LGALS4: variants seen among roughly 807,000 people sequenced by gnomAD.
The protein encoded by LGALS4 is galectin 4.
A neutral mutation model predicts 39.6 loss-of-function variants in LGALS4; 37 were observed. That is an observed-to-expected ratio of 0.93 (90% CI 0.72 to 1.23). The LOEUF (loss-of-function observed/expected upper bound fraction) is 1.23. Among genes scored for constraint, LGALS4 ranks in the 50% most tolerant of loss-of-function variants. The probability of loss-of-function intolerance (pLI) is 0.00; values close to 1 mark genes in which losing one functional copy is unlikely to be tolerated. For missense variants in LGALS4, 397 were observed against 433.2 expected (o/e 0.92, Z 0.74); for synonymous variants, 160 against 165.5 (o/e 0.97, Z 0.25).
chr19:38,811,923 G>A (rs1031355752), intron 2 of LGALS4, among the ~76,000 whole-genome samples: 1 of 151,666 alleles, frequency 6.6e-6, no homozygotes. Flanking sequence ...TGAGGCAGGA[G>A]AATCGCTTGA....
Position 38,803,787 on chromosome 19 carries a change from G to A in LGALS4, c.502-7C>T, listed in dbSNP as rs376574428. 26 of 1,613,594 alleles carry A rather than the reference G, an allele frequency of 1.6e-5. No homozygotes were observed. The highest frequency in any genetic ancestry group is 1.6e-4 in the Middle Eastern group (1 of 6,084). On this transcript the variant is annotated splice_region_variant and splice_polypyrimidine_tract_variant and intron_variant, in intron 5 of 9. Coordinates refer to ENST00000307751, the MANE Select transcript of LGALS4 (RefSeq NM_006149.4). ...GATGGCAATGTCCGGGACCCTGAAC[G>A]ATGGACAGAAGGCAGGAAGGGTGAG...
chr19:38,806,488 G>T lies in LGALS4; in HGVS notation c.447C>A (p.Phe149Leu). The change falls in exon 4 of 10, where the codon TTC becomes TTA. Residue 149 changes from phenylalanine to leucine, a missense_variant. Transcript: ENST00000307751. ...GGGGCCGGAGGGGCTGGCCTCCGAT[G>T]AAGTTGATTGATTGAAGTTGCAGAT... Reference protein sequence around the residue: ...DGDLQLQSINFIGGQPLRPQG... With the variant: ...DGDLQLQSINLIGGQPLRPQG... 1 of 1,614,218 alleles carries T rather than the reference G, an allele frequency of 6.2e-7. No individual in the cohort carries two copies. Among genetic ancestry groups the T allele is most frequent in the Middle Eastern group, 1.7e-4 (1 of 6,060 alleles).
Position 38,802,162 on chromosome 19 carries a change from G to A in LGALS4, c.660-5C>T, listed in dbSNP as rs368944055. 103 of 1,613,068 alleles carry A rather than the reference G, an allele frequency of 6.4e-5. No individual in the cohort carries two copies. In the African/African-American group the frequency reaches 1.3e-3, roughly 20 times the overall value. ...ACCTTGAAGTTGATAGCAAAGCTGG[G>A]GACAGAGAGGGATGGGGGAGTCAGA... On this transcript the variant is annotated splice_region_variant and splice_polypyrimidine_tract_variant and intron_variant, in intron 8 of 9. Transcript: ENST00000307751.
intron 4 of LGALS4, among the ~76,000 whole-genome samples, chr19:38,804,973 T>C (rs937050492): frequency 6.6e-6 from 1 of 151,696 alleles, no homozygotes; most frequent in Non-Finnish European, 1.5e-5. Flanking sequence ...CTGGACAACA[T>C]AGGAAAATTC....
chr19:38,812,818 G>T (rs757649387), intron 1 of LGALS4, 24 bp downstream of exon 1: 1 of 1,609,738 alleles, frequency 6.2e-7, no homozygotes, highest in East Asian at 2.2e-5. Context: ...TGCGGGCGGA[G>T]TGGGGCCTGA....
intron 1 of LGALS4, 74 bp downstream of exon 1, chr19:38,812,768 C>A: frequency 3.3e-6 from 5 of 1,521,464 alleles, no homozygotes; most frequent in Non-Finnish European, 3.6e-6. Context: ...CCCCCAGGAT[C>A]AGAGTGGGGA....
At chr19:38,811,244 C>G (rs868865564) in intron 2 of LGALS4, among the ~76,000 whole-genome samples, 2 of 152,022 alleles carry the variant, frequency 1.3e-5, no homozygotes. Context: ...ATCAGCTCCA[C>G]GAGGGCAGGG....
At chr19:38,802,816 T>A (rs1315716931) in intron 7 of LGALS4, among the ~76,000 whole-genome samples, 1 of 151,970 alleles carries the variant, frequency 6.6e-6, no homozygotes. Context: ...TAGCTGGGAT[T>A]ACAGGTGTGC....
chr19:38,802,620 G>A (rs901640137), intron 7 of LGALS4, among the ~76,000 whole-genome samples: 1 of 150,748 alleles, frequency 6.6e-6, no homozygotes, highest in Non-Finnish European at 1.5e-5. Flanking sequence ...TCAGCCTCCC[G>A]AAGTGCTGGG....
rs1184371833 is a variant in LGALS4 at position 38,801,716 on chromosome 19, C to A, written c.*48G>T. The A allele has an allele frequency of 1.2e-6, 2 of 1,601,560 alleles. No individual in the cohort carries two copies. Among genetic ancestry groups the A allele is most frequent in the Admixed American group, 1.7e-5 (1 of 59,290 alleles). ...TTTTATTAGGGGCTTAGAAAGGAGT[C>A]CTAGGGGATAATTCTGTTTTCCCAT... is the stretch of plus-strand genomic sequence containing the variant. On this transcript the variant is annotated 3_prime_UTR_variant, in exon 10 of 10. Transcript: ENST00000307751.
In LGALS4 at chr19:38,801,800, G is replaced by C; in HGVS notation, c.936C>G (p.Ile312Met). The change falls in exon 10 of 10, where the codon ATC becomes ATG. Residue 312 changes from isoleucine (I) to methionine (M), a missense_variant. Physicochemically the swap from Ile to Met is conservative, Grantham distance 10. Coordinates refer to ENST00000307751, the MANE Select transcript of LGALS4 (RefSeq NM_006149.4). ...CATAGGACAAGGTGACATCACCCTG[G>C]ATTTCCAATGTGTCCACCCTCTGGA... ...SAFQRVDTLE[I>M]QGDVTLSYVQ... 6.2e-7 allele frequency: 1 copy of C among 1,614,204 alleles called. No homozygotes were observed. The highest frequency in any genetic ancestry group is 8.5e-7 in the Non-Finnish European group (1 of 1,180,036).
intron 4 of LGALS4, 112 bp from the exon 5 acceptor site, chr19:38,804,007 G>T: frequency 2.4e-6 from 3 of 1,227,048 alleles, no homozygotes; most frequent in Non-Finnish European, 2.3e-6. Flanking sequence ...CTATGCCAGA[G>T]AACTCTGGCA....
In LGALS4 at chr19:38,806,447, G is replaced by A; in HGVS notation, c.474+14C>T. On this transcript the variant is annotated intron_variant, in intron 4 of 9. Transcript: ENST00000307751. ...AGAAAGAAAGGACGCAAGAAGGGAT[G>A]GGACCCCTCACACCTGGGGCCGGAG... The A allele has an allele frequency of 1.2e-6, 2 of 1,613,422 alleles. No individual in the cohort carries two copies. The highest frequency in any genetic ancestry group is 1.7e-6 in the Non-Finnish European group (2 of 1,179,460).
intron 2 of LGALS4, among the ~76,000 whole-genome samples, chr19:38,810,634 T>C (rs142933611): frequency 0.078 from 11,932 of 152,128 alleles, 618 homozygotes; most frequent in South Asian, 0.16. Flanking sequence ...AGTGCTGGGA[T>C]TACAGACGTG....
rs1348007472 is a variant in LGALS4, at chr19:38,803,554, G to A, written c.541-3C>T. 6.2e-7 allele frequency: 1 copy of A among 1,613,964 alleles called. No homozygotes were observed. The highest frequency in any genetic ancestry group is 8.5e-7 in the Non-Finnish European group (1 of 1,179,866). ...AAGGTTGGGGGTCCTTCCATGGTCTGTGAAGTGAGGAAGAAGCGATATTAT... is the reference window on the plus strand; with the variant it reads ...AAGGTTGGGGGTCCTTCCATGGTCTATGAAGTGAGGAAGAAGCGATATTAT... On this transcript the variant is annotated splice_region_variant and splice_polypyrimidine_tract_variant and intron_variant, in intron 6 of 9. Transcript: ENST00000307751.
intron 6 of LGALS4, 67 bp downstream of exon 6, chr19:38,803,675 G>A: frequency 1.9e-6 from 3 of 1,598,480 alleles, no homozygotes; most frequent in South Asian, 1.1e-5. Context: ...ACCCCTCTTA[G>A]CTCCCCCTAC....
At position 38,812,462 on chromosome 19, in the gene LGALS4, T is replaced by G; in HGVS notation, c.103A>C (p.Ile35Leu). The G allele has an allele frequency of 6.2e-7, 1 of 1,614,168 alleles. No individual in the cohort carries two copies. Among genetic ancestry groups the G allele is most frequent in the Non-Finnish European group, 8.5e-7 (1 of 1,180,014 alleles). Residue 35 changes from isoleucine (I) to leucine (L), a missense_variant, in exon 2 of 10, where the codon ATC becomes CTC. Coordinates refer to ENST00000307751, the MANE Select transcript of LGALS4 (RefSeq NM_006149.4). Reference sequence around the variant, plus strand: ...ATGTGCTCGCTGGCCACTCCTTGGATGTAAACAGACATTCCCACGTTGAGC... The same window carrying G: ...ATGTGCTCGCTGGCCACTCCTTGGAGGTAAACAGACATTCCCACGTTGAGC... ...GGLNVGMSVY[I>L]QGVASEHMKR...
In LGALS4 at chr19:38,806,515, C is replaced by T. The variant is rs1971423768; in HGVS notation, c.420G>A (p.Gly140=). ...AGTTGATTGATTGAAGTTGCAGATCCCCATCCACTTGCAGGTGGGTGACCA... is the reference window on the plus strand; with the variant it reads ...AGTTGATTGATTGAAGTTGCAGATCTCCATCCACTTGCAGGTGGGTGACCA... The part of the protein sequence containing the change: ...LQMVTHLQVD[G]DLQLQSINFI... Residue 140 remains glycine (G), a synonymous_variant, in exon 4 of 10, where the codon GGG becomes GGA. Transcript: ENST00000307751. The T allele has an allele frequency of 6.2e-7, 1 of 1,614,062 alleles. No individual in the cohort carries two copies. The highest frequency in any genetic ancestry group is 8.5e-7 in the Non-Finnish European group (1 of 1,180,036).
intron 2 of LGALS4, among the ~76,000 whole-genome samples, chr19:38,809,173 C>CTTTTTTTT (rs34677297): frequency 3.8e-5 from 4 of 104,896 alleles, no homozygotes; most frequent in Non-Finnish European, 3.7e-5. Flanking sequence ...GCCTTTCCTT[C>CTTTTTTTT]TTTTTTTTTT....
Sources: gnomAD v4.1 joint callset for allele counts (sites outside exome capture counted in the v4.1 genomes callset) on GRCh38, gnomAD v4.1.1 for gene constraint, MANE v1.5 for transcripts, NCBI Gene and HGNC (gene_info 2026-07-23, HGNC 2026-07-21) for gene names.